LAMA2: variants seen among roughly 807,000 people sequenced by gnomAD.
LAMA2 encodes the protein laminin subunit alpha-2.
A neutral mutation model predicts 364.8 loss-of-function variants in LAMA2; 269 were observed. The ratio of observed to expected loss-of-function variants is 0.74; its 90% CI spans 0.67 to 0.82. LAMA2 has a LOEUF of 0.82. Among genes scored for constraint, LAMA2 ranks in the 40% least tolerant of loss-of-function variants. The pLI is 0.00. For synonymous variants in LAMA2, 1,379 were observed against 1,370.6 expected (o/e 1.01, Z -0.14); for missense variants, 3,807 against 3,873.2 (o/e 0.98, Z 0.45).
At chr6:129,486,325 C>CT (rs1784580516) in intron 55 of LAMA2, 149 bp from the exon 56 acceptor site, 1 of 748,098 alleles carries the variant, frequency 1.3e-6, no homozygotes, top group Non-Finnish European at 2.3e-6. Context: ...ATATTTCCAG[C>CT]TGTTTTCAAA....
intron 1 of LAMA2, among the ~76,000 whole-genome samples, chr6:128,962,303 G>T (rs1238986276): frequency 6.6e-6 from 1 of 150,546 alleles, no homozygotes; most frequent in Non-Finnish European, 1.5e-5. Flanking sequence ...AAAGTCCTAG[G>T]CCTGAGTATT....
intron 45 of LAMA2, among the ~76,000 whole-genome samples, chr6:129,451,160 G>A (rs992178479): frequency 9.9e-5 from 15 of 152,076 alleles, no homozygotes; most frequent in Non-Finnish European, 2.1e-4. Flanking sequence ...CATCTGCTTT[G>A]CCATATTAAC....
chr6:129,111,689 G>T (rs1355121093), intron 4 of LAMA2, among the ~76,000 whole-genome samples: 1 of 151,902 alleles, frequency 6.6e-6, no homozygotes, highest in African/African-American at 2.4e-5. Flanking sequence ...TGGGAAATCA[G>T]GCAAGTCCTT....
At chr6:129,441,590 AC>A (rs1782117708) in intron 43 of LAMA2, among the ~76,000 whole-genome samples, 1 of 152,072 alleles carries the variant, frequency 6.6e-6, no homozygotes, top group African/African-American at 2.4e-5. Flanking sequence ...TACTGAGAAA[AC>A]CTGAGAGAAA....
intron 36 of LAMA2, among the ~76,000 whole-genome samples, chr6:129,392,177 G>A (rs554261139): frequency 1.3e-5 from 2 of 152,282 alleles, no homozygotes; most frequent in Admixed American, 1.3e-4. Context: ...GAATATGAGG[G>A]TTGGGAAAAG....
chr6:129,178,943 A>G (rs1450602497), intron 10 of LAMA2, among the ~76,000 whole-genome samples: 2 of 152,194 alleles, frequency 1.3e-5, no homozygotes, highest in Non-Finnish European at 2.9e-5. Flanking sequence ...CCTATTTTGA[A>G]CTACTGAAAT....
intron 1 of LAMA2, among the ~76,000 whole-genome samples, chr6:128,911,006 A>C (rs1320056572): frequency 6.6e-6 from 1 of 151,140 alleles, no homozygotes; most frequent in South Asian, 2.1e-4. Flanking sequence ...TTAGATCTCC[A>C]GCTGCGTACT....
chr6:129,225,437 T>G (rs963651244), intron 12 of LAMA2, among the ~76,000 whole-genome samples: 1 of 152,224 alleles, frequency 6.6e-6, no homozygotes, highest in Non-Finnish European at 1.5e-5. Flanking sequence ...GGGTGTCAAT[T>G]TTGGATCTTT....
At chr6:129,406,647 A>C (rs1189435086) in intron 40 of LAMA2, among the ~76,000 whole-genome samples, 1 of 152,214 alleles carries the variant, frequency 6.6e-6, no homozygotes, top group East Asian at 1.9e-4. Context: ...AGAGAATTAG[A>C]TGTTTTTAAA....
intron 3 of LAMA2, among the ~76,000 whole-genome samples, chr6:129,065,450 A>G (rs1373677722): frequency 1.3e-5 from 2 of 152,188 alleles, no homozygotes; most frequent in Non-Finnish European, 2.9e-5. Context: ...TCAAAATTGA[A>G]AAAGAAAAAG....
At chr6:129,328,547 A>G (rs1775440956) in intron 29 of LAMA2, 135 bp downstream of exon 29, 3 of 1,406,556 alleles carry the variant, frequency 2.1e-6, no homozygotes, top group Non-Finnish European at 3.0e-6. Flanking sequence ...TGTAAGGGAA[A>G]AAGATATTCA....
At chr6:129,092,055 C>T (rs149052762) in intron 3 of LAMA2, among the ~76,000 whole-genome samples, 2 of 152,300 alleles carry the variant, frequency 1.3e-5, no homozygotes, top group African/African-American at 4.8e-5. Context: ...TTCTCCATTT[C>T]AGCCCACTTT....
chr6:128,953,952 T>C (rs1177779705), intron 1 of LAMA2, among the ~76,000 whole-genome samples: 2 of 152,194 alleles, frequency 1.3e-5, no homozygotes, highest in African/African-American at 4.8e-5. Context: ...TAATTTTTCT[T>C]AATCTTCAAA....
chr6:128,965,303 A>G (rs1425612420), intron 1 of LAMA2, among the ~76,000 whole-genome samples: 1 of 152,016 alleles, frequency 6.6e-6, no homozygotes, highest in Non-Finnish European at 1.5e-5. Flanking sequence ...TCTGTTTGAC[A>G]TCTGGGTGCA....
chr6:129,366,035 TTTG>T (rs1205036874), intron 32 of LAMA2, among the ~76,000 whole-genome samples, 181 bp from the exon 33 acceptor site: 2 of 152,214 alleles, frequency 1.3e-5, no homozygotes, highest in Non-Finnish European at 2.9e-5. Context: ...TATCTGTTCT[TTTG>T]TTGTTGTTCT....
In LAMA2 at chr6:129,148,135, G is replaced by A. The variant is rs1455670405; in HGVS notation, c.910-844G>A. On this transcript the variant is annotated intron_variant, in intron 6 of 64. Coordinates refer to ENST00000421865, the MANE Select transcript of LAMA2 (RefSeq NM_000426.4). The stretch of plus-strand genomic sequence containing the variant: ...TACTGTTATTTTATTTGGAGGAAGT[G>A]AAAAAATGCATATGCCACCATAGAA... Among the ~76,000 whole-genome samples, 8 of 151,890 alleles carry A rather than the reference G, an allele frequency of 5.3e-5. No homozygotes were observed. In the East Asian group the frequency reaches 1.6e-3, roughly 29 times the overall value.
At chr6:128,977,293 C>T (rs1334690884) in intron 1 of LAMA2, among the ~76,000 whole-genome samples, 4 of 141,212 alleles carry the variant, frequency 2.8e-5, no homozygotes, top group Admixed American at 7.2e-5. Context: ...AAGGTCTTGA[C>T]GTGTTGCCCA....
chr6:129,206,171 A>C (rs1366804192), intron 12 of LAMA2, among the ~76,000 whole-genome samples: 2 of 151,036 alleles, frequency 1.3e-5, no homozygotes, highest in Non-Finnish European at 2.9e-5. Flanking sequence ...GAAGGAAATT[A>C]AACCTAGGAA....
chr6:129,408,265 C>T (rs1780346807), intron 40 of LAMA2, among the ~76,000 whole-genome samples: 1 of 152,174 alleles, frequency 6.6e-6, no homozygotes, highest in South Asian at 2.1e-4. Flanking sequence ...TTCTGGAGAA[C>T]TTTGCCCCAG....
Sources: gnomAD v4.1 joint callset for allele counts (sites outside exome capture counted in the v4.1 genomes callset) on GRCh38, gnomAD v4.1.1 for gene constraint, MANE v1.5 for transcripts, NCBI Gene and HGNC (gene_info 2026-07-23, HGNC 2026-07-21) for gene names.